Variants in SCTR observed in about 807,000 individuals in gnomAD.
SCTR encodes pancreatic secretin receptor.
In SCTR, 56 loss-of-function variants were observed where a neutral mutation model predicts 60.8. The observed-to-expected ratio is 0.92, with a 90% CI of 0.74 to 1.15. SCTR has a LOEUF of 1.15. SCTR is among the 50% of genes most tolerant of loss of function. The pLI, the probability that SCTR is intolerant of heterozygous loss-of-function variation, is 0.00. For synonymous variants in SCTR, 202 were observed against 217.0 expected, an observed-to-expected ratio of 0.93 and a Z score of 0.61; for missense variants, 562 against 550.4, an observed-to-expected ratio of 1.02 and a Z score of -0.21.
intron 2 of SCTR, among the ~76,000 whole-genome samples, chr2:119,482,008 A>C (rs1425964732): frequency 6.6e-6 from 1 of 152,022 alleles, no homozygotes; most frequent in Non-Finnish European, 1.5e-5. Flanking sequence ...CTCTACCCCC[A>C]CTTTATAAAC....
chr2:119,524,346 G>T lies in SCTR; in HGVS notation c.-120C>A. ...CCGGCCGGCCGCTGCGCCCCGAGGA[G>T]CCATGGCTGAGCCACCCGACCTGCG... On this transcript the variant is annotated 5_prime_UTR_variant, in exon 1 of 13. Transcript: ENST00000019103. 1.6e-6 allele frequency: 1 copy of T among 616,576 alleles called. No individual in the cohort carries two copies. Among genetic ancestry groups the T allele is most frequent in the Non-Finnish European group, 2.4e-6 (1 of 410,906 alleles). 38.2% of individuals were successfully genotyped at this position (616,576 alleles called of 1,614,324 possible). A position where few individuals can be genotyped will look rare whatever the true frequency, so the allele number is the denominator to read the frequency against.
At chr2:119,458,411 C>A (rs190896845) in intron 7 of SCTR, among the ~76,000 whole-genome samples, 114 of 151,840 alleles carry the variant, frequency 7.5e-4, no homozygotes, top group Non-Finnish European at 8.8e-5. Context: ...ACCATCCTGG[C>A]TAACACAGTG....
At chr2:119,451,838 G>T (rs1441621406) in intron 9 of SCTR, among the ~76,000 whole-genome samples, 172 bp downstream of exon 9, 1 of 152,200 alleles carries the variant, frequency 6.6e-6, no homozygotes, top group Non-Finnish European at 1.5e-5. Flanking sequence ...CACACATTCT[G>T]CAGGGGGCAG....
intron 11 of SCTR, among the ~76,000 whole-genome samples, chr2:119,442,353 C>T (rs72957076): frequency 1.3e-5 from 2 of 152,198 alleles, no homozygotes; most frequent in South Asian, 2.1e-4. Flanking sequence ...GTCTCTGCGG[C>T]GCATTCACCC....
At chr2:119,448,303 T>C (rs1683009718) in intron 10 of SCTR, among the ~76,000 whole-genome samples, 1 of 152,222 alleles carries the variant, frequency 6.6e-6, no homozygotes, top group South Asian at 2.1e-4. Flanking sequence ...AGGTCTTAAG[T>C]GTTTTTGGAT....
intron 1 of SCTR, among the ~76,000 whole-genome samples, chr2:119,509,576 T>C (rs1274254976): frequency 1.3e-5 from 2 of 152,210 alleles, no homozygotes; most frequent in African/African-American, 2.4e-5. Context: ...CGATTTTCCT[T>C]TGGACTATAG....
intron 11 of SCTR, 122 bp downstream of exon 11, chr2:119,446,637 C>T: frequency 1.0e-6 from 1 of 1,000,870 alleles, no homozygotes; most frequent in Non-Finnish European, 1.4e-6. Flanking sequence ...GGTCCGACCC[C>T]TTCTTCCCCT....
rs770070068 is a variant in SCTR, at chr2:119,494,444, C to T, written c.177G>A (p.Thr59=). 1.1e-5 allele frequency: 18 copies of T among 1,613,826 alleles called. No individual in the cohort carries two copies. Among genetic ancestry groups the T allele is most frequent in the South Asian group, 3.3e-5 (3 of 91,028 alleles). Residue 59 remains threonine, a synonymous_variant, in exon 2 of 13, where the codon ACG becomes ACA. Transcript: ENST00000019103. The stretch of plus-strand genomic sequence containing the variant: ...GCCTCATACCTGGCACTGGCTGCTC[C>T]GTGCCCAGGTCTCCTGTCTGCTCTC... ...LSREQTGDLG[T]EQPVPGCEGM... is the part of the protein sequence containing the mutation.
At chr2:119,449,068 GC>G (rs567384047) in intron 9 of SCTR, among the ~76,000 whole-genome samples, 7 of 152,228 alleles carry the variant, frequency 4.6e-5, no homozygotes, top group Non-Finnish European at 7.3e-5. Flanking sequence ...AGCATTGGAA[GC>G]CCCCGGGGAT....
At chr2:119,508,729 T>C (rs1293932319) in intron 1 of SCTR, among the ~76,000 whole-genome samples, 1 of 152,130 alleles carries the variant, frequency 6.6e-6, no homozygotes, top group African/African-American at 2.4e-5. Flanking sequence ...ACTGTATAGA[T>C]TTATTATGCA....
At chr2:119,456,050 T>C (rs72833273) in intron 7 of SCTR, among the ~76,000 whole-genome samples, 2,455 of 149,364 alleles carry the variant, frequency 0.016, 24 homozygotes, top group South Asian at 0.055. Context: ...CTGGGGAAAA[T>C]GATTTTTCAA....
At chr2:119,453,160 G>C (rs1033642118) in intron 8 of SCTR, 127 bp downstream of exon 8, 6 of 723,218 alleles carry the variant, frequency 8.3e-6, no homozygotes, top group Non-Finnish European at 1.5e-5. Context: ...TCAGTCCAGG[G>C]AACTCATCTG....
chr2:119,460,466 G>GGATA (rs1490565716), intron 7 of SCTR, among the ~76,000 whole-genome samples: 1 of 151,838 alleles, frequency 6.6e-6, no homozygotes, highest in African/African-American at 2.4e-5. Context: ...ATGGATGGAT[G>GGATA]GATGGATGGG....
chr2:119,498,806 G>T (rs961757848), intron 1 of SCTR, among the ~76,000 whole-genome samples: 2 of 151,830 alleles, frequency 1.3e-5, no homozygotes, highest in African/African-American at 4.8e-5. Context: ...GCAGAGAAAA[G>T]TAAACTAAGA....
In SCTR at chr2:119,439,977, G is replaced by A. The variant is rs1682592865; in HGVS notation, c.*140C>T. The A allele has an allele frequency of 1.1e-6, 1 of 874,716 alleles. No individual in the cohort carries two copies. Among genetic ancestry groups the A allele is most frequent in the African/African-American group, 1.7e-5 (1 of 59,722 alleles). 54.2% of individuals were successfully genotyped at this position (874,716 alleles called of 1,614,324 possible). A position where few individuals can be genotyped will look rare whatever the true frequency, so the allele number is the denominator to read the frequency against. On this transcript the variant is annotated 3_prime_UTR_variant, in exon 13 of 13. Coordinates refer to ENST00000019103, the MANE Select transcript of SCTR (RefSeq NM_002980.3). Reference sequence around the variant, plus strand: ...CAGTGCCTCACATCCCTTCGGAAGAGTCCAAGGCCTGGGGAGGGGCATCTT... The same window carrying A: ...CAGTGCCTCACATCCCTTCGGAAGAATCCAAGGCCTGGGGAGGGGCATCTT...
In SCTR at chr2:119,467,768, G is replaced by GTATA. The variant is rs1398437658; in HGVS notation, c.406-1886_406-1883dup. ...ATTTCAAATACAAATTACTTTCATG[G>GTATA]TATACCGCTAATAAAATGTTGTTTA... On this transcript the variant is annotated intron_variant, in intron 4 of 12. Coordinates refer to ENST00000019103, the MANE Select transcript of SCTR (RefSeq NM_002980.3). 3.3e-5 allele frequency among the ~76,000 whole-genome samples: 5 copies of GTATA among 152,058 alleles called. No homozygotes were observed. In the East Asian group the frequency reaches 9.6e-4, roughly 29 times the overall value.
intron 1 of SCTR, among the ~76,000 whole-genome samples, chr2:119,511,802 G>T (rs1041472603): frequency 4.6e-5 from 7 of 152,052 alleles, no homozygotes; most frequent in Non-Finnish European, 1.0e-4. Flanking sequence ...GTACATGGGG[G>T]TAAATTTTTG....
At chr2:119,483,696 A>G (rs1485315497) in intron 2 of SCTR, among the ~76,000 whole-genome samples, 1 of 152,168 alleles carries the variant, frequency 6.6e-6, no homozygotes, top group Non-Finnish European at 1.5e-5. Flanking sequence ...CTAGCATATC[A>G]CATCTGTGAT....
chr2:119,509,646 A>C (rs1678869623), intron 1 of SCTR, among the ~76,000 whole-genome samples: 1 of 152,098 alleles, frequency 6.6e-6, no homozygotes, highest in Non-Finnish European at 1.5e-5. Context: ...TCTTTTTTTT[A>C]ACTGTGGTAA....
Sources: gnomAD v4.1 joint callset for allele counts (sites outside exome capture counted in the v4.1 genomes callset) on GRCh38, gnomAD v4.1.1 for gene constraint, MANE v1.5 for transcripts, NCBI Gene and HGNC (gene_info 2026-07-23, HGNC 2026-07-21) for gene names.